Variants in TPRG1 observed in about 807,000 individuals in gnomAD.
TPRG1 encodes tumor protein p63-regulated gene 1 protein.
Under a neutral mutation model 29.3 loss-of-function variants are expected in TPRG1, and 29 were observed. The ratio of observed to expected loss-of-function variants is 0.99; its 90% confidence interval spans 0.74 to 1.35. The LOEUF (loss-of-function observed/expected upper bound fraction) is 1.35, where lower values mean the gene tolerates loss of function less well. Among genes scored for constraint, TPRG1 ranks in the 40% most tolerant of loss-of-function variants. The probability of loss-of-function intolerance (pLI) is 0.00; values close to 1 mark genes in which losing one functional copy is unlikely to be tolerated. For synonymous variants in TPRG1, 130 were observed against 116.8 expected (o/e 1.11, Z -0.73); for missense variants, 327 against 335.0 (o/e 0.98, Z 0.19).
chr3:189,179,855 C>T (rs7649460), intron 1 of TPRG1, among the ~76,000 whole-genome samples: 86,304 of 152,116 alleles, frequency 0.57, 26,021 homozygotes, highest in African/African-American at 0.78. Context: ...ATATGCAGAA[C>T]TAATTAATTA....
At chr3:189,078,008 T>TTTCCTTCCTTCC (rs773510018) in intron 4 of TPRG1, among the ~76,000 whole-genome samples, 1,009 of 98,500 alleles carry the variant, frequency 0.01, 54 homozygotes, top group African/African-American at 0.029. Flanking sequence ...CTAAAAACCT[T>TTTCCTTCCTTCC]TTCCTTCCTT....
chr3:189,289,773 T>C (rs996953576), intron 4 of TPRG1, among the ~76,000 whole-genome samples: 1 of 152,222 alleles, frequency 6.6e-6, no homozygotes, highest in Admixed American at 6.5e-5. Context: ...CTTATTAAAA[T>C]ACCATGCTGA....
intron 4 of TPRG1, among the ~76,000 whole-genome samples, chr3:189,286,861 C>T (rs1718145426): frequency 1.3e-5 from 2 of 152,088 alleles, no homozygotes; most frequent in South Asian, 4.1e-4. Flanking sequence ...TGAGGCCAGG[C>T]TCCAGTTCTC....
chr3:189,062,913 A>T (rs1330925472), intron 4 of TPRG1, among the ~76,000 whole-genome samples: 1 of 152,082 alleles, frequency 6.6e-6, no homozygotes, highest in Non-Finnish European at 1.5e-5. Flanking sequence ...TTCAGTACCA[A>T]CATATCAAAA....
At position 189,194,150 on chromosome 3, in the gene TPRG1, G is replaced by A. The variant is rs75001679; in HGVS notation, c.-9-13226G>A. Among the ~76,000 whole-genome samples the A allele has an allele frequency of 1.7e-4, 26 of 152,032 alleles. No individual in the cohort carries two copies. The East Asian group carries it at 5.0e-3, about 29-fold the overall frequency. Reference sequence around the variant, plus strand: ...ACCGTTTTTCTGCATAGGTGCAATGGTATGATCTCTGTGCAGCTTCTTTAG... The same window carrying A: ...ACCGTTTTTCTGCATAGGTGCAATGATATGATCTCTGTGCAGCTTCTTTAG... On this transcript the variant is annotated intron_variant, in intron 1 of 5. Coordinates refer to ENST00000345063, the MANE Select transcript of TPRG1 (RefSeq NM_198485.4).
At chr3:189,155,835 T>C (rs1041665842) in intron 5 of TPRG1, among the ~76,000 whole-genome samples, 18 of 151,578 alleles carry the variant, frequency 1.2e-4, no homozygotes, top group Non-Finnish European at 7.4e-5. Flanking sequence ...GGTTGGAGGG[T>C]GAGGGAAATG....
chr3:189,237,141 A>T (rs1185722259), intron 3 of TPRG1, among the ~76,000 whole-genome samples: 1 of 152,202 alleles, frequency 6.6e-6, no homozygotes, highest in Admixed American at 6.5e-5. Flanking sequence ...TCACACCACC[A>T]AAAGTCTCCC....
At position 189,257,935 on chromosome 3, in the gene TPRG1, G is replaced by A. The variant is rs141891154; in HGVS notation, c.479+19026G>A. ...TCAAGGTTCTTAGCTTCTTTGCATT[G>A]GGTTAGAACATGCTCCTTTAGCTCG... On this transcript the variant is annotated intron_variant, in intron 4 of 5. Transcript: ENST00000345063. Among the ~76,000 whole-genome samples, 510 of 152,222 alleles carry A rather than the reference G, an allele frequency of 3.4e-3. 4 individuals are homozygous for A. The highest frequency in any genetic ancestry group is 0.012 in the African/African-American group (481 of 41,544).
intron 4 of TPRG1, among the ~76,000 whole-genome samples, chr3:189,081,620 C>T (rs911460421): frequency 3.9e-5 from 6 of 152,170 alleles, no homozygotes; most frequent in African/African-American, 1.4e-4. Flanking sequence ...TTACATGGTT[C>T]ACTTTGGATC....
intron 2 of TPRG1, among the ~76,000 whole-genome samples, chr3:189,128,945 A>T (rs996919212): frequency 6.6e-6 from 1 of 152,154 alleles, no homozygotes; most frequent in Admixed American, 6.5e-5. Context: ...CAACTCAGTT[A>T]TCTTTTAAAC....
At chr3:189,221,289 A>C (rs150491080) in intron 3 of TPRG1, among the ~76,000 whole-genome samples, 2,243 of 152,336 alleles carry the variant, frequency 0.015, 89 homozygotes, top group Admixed American at 0.095. Flanking sequence ...TCAGTTTATA[A>C]ATGAGAGAAT....
chr3:189,269,670 G>C (rs1320519245), intron 4 of TPRG1, among the ~76,000 whole-genome samples: 1 of 152,148 alleles, frequency 6.6e-6, no homozygotes, highest in Non-Finnish European at 1.5e-5. Context: ...TATAATTCAA[G>C]AAATAAAAGT....
At chr3:189,185,804 AT>A (rs1730848088) in intron 1 of TPRG1, among the ~76,000 whole-genome samples, 1 of 151,708 alleles carries the variant, frequency 6.6e-6, no homozygotes, top group African/African-American at 2.4e-5. Flanking sequence ...ACTTTCTAAC[AT>A]TTTTCTTTGC....
At chr3:189,099,168 A>G (rs1487887471), upstream of TPRG1, among the ~76,000 whole-genome samples, 1 of 151,974 alleles carries the variant, frequency 6.6e-6, no homozygotes, top group Non-Finnish European at 1.5e-5. Context: ...GCTCCCCACA[A>G]GCGGCGCTCC....
chr3:189,002,931 T>G (rs888362164), intron 2 of TPRG1, among the ~76,000 whole-genome samples: 1 of 152,128 alleles, frequency 6.6e-6, no homozygotes, highest in African/African-American at 2.4e-5. Flanking sequence ...TTGAATGATT[T>G]AATACATGAA....
At chr3:189,275,473 A>G (rs1715976484) in intron 4 of TPRG1, among the ~76,000 whole-genome samples, 1 of 152,208 alleles carries the variant, frequency 6.6e-6, no homozygotes, top group East Asian at 1.9e-4. Context: ...AGGAAATAGT[A>G]TAAGACGAGA....
At chr3:189,241,686 T>A (rs1209329518) in intron 4 of TPRG1, among the ~76,000 whole-genome samples, 12 of 152,116 alleles carry the variant, frequency 7.9e-5, no homozygotes, top group Admixed American at 3.9e-4. Flanking sequence ...GAGGGACCCA[T>A]GGAGAGGTAA....
intron 4 of TPRG1, among the ~76,000 whole-genome samples, chr3:189,244,390 G>A (rs1741074569): frequency 6.6e-6 from 1 of 152,066 alleles, no homozygotes; most frequent in Non-Finnish European, 1.5e-5. Context: ...CTGCACTCCA[G>A]CCTGGGTGAC....
At chr3:189,251,360 CA>C (rs1344033505) in intron 4 of TPRG1, among the ~76,000 whole-genome samples, 1 of 152,114 alleles carries the variant, frequency 6.6e-6, no homozygotes, top group African/African-American at 2.4e-5. Context: ...GAAATGAAGG[CA>C]GATTCTCTTT....
Sources: gnomAD v4.1 joint callset for allele counts (sites outside exome capture counted in the v4.1 genomes callset) on GRCh38, gnomAD v4.1.1 for gene constraint, MANE v1.5 for transcripts, NCBI Gene and HGNC (gene_info 2026-07-23, HGNC 2026-07-21) for gene names.